The following FSTL4 variants were observed in gnomAD, a reference collection of about 807,000 sequenced individuals.
The protein encoded by FSTL4 is follistatin like 4.
FSTL4 carries 28 observed loss-of-function variants against 78.2 expected under a neutral mutation model. The ratio of observed to expected loss-of-function variants is 0.36; its 90% CI spans 0.27 to 0.49. The LOEUF (loss-of-function observed/expected upper bound fraction) is 0.49, where lower values mean the gene tolerates loss of function less well. Ranked by LOEUF, FSTL4 falls within the 20% of genes least tolerant of loss-of-function variation. FSTL4 has a pLI of 0.98. For synonymous variants in FSTL4, 422 were observed against 440.5 expected (o/e 0.96, Z 0.53); for missense variants, 922 against 1,084.9 (o/e 0.85, Z 2.11).
At chr5:133,395,401 C>G (rs547184945) in intron 4 of FSTL4, among the ~76,000 whole-genome samples, 8 of 152,144 alleles carry the variant, frequency 5.3e-5, no homozygotes, top group Non-Finnish European at 1.0e-4. Flanking sequence ...AGCGAGACCA[C>G]GAACCCACCA....
intron 2 of FSTL4, among the ~76,000 whole-genome samples, chr5:133,572,148 A>C (rs751718578): frequency 2.6e-5 from 4 of 152,220 alleles, no homozygotes; most frequent in Non-Finnish European, 5.9e-5. Flanking sequence ...TAAAACAGCC[A>C]AAGGGTGGGT....
chr5:133,365,309 T>A (rs1755160269), intron 4 of FSTL4, among the ~76,000 whole-genome samples: 1 of 152,180 alleles, frequency 6.6e-6, no homozygotes, highest in Non-Finnish European at 1.5e-5. Flanking sequence ...GATCAACTTT[T>A]AGGGATTTTA....
At chr5:133,589,750 A>G (rs1024826208) in intron 2 of FSTL4, among the ~76,000 whole-genome samples, 3 of 152,120 alleles carry the variant, frequency 2.0e-5, no homozygotes, top group African/African-American at 7.2e-5. Context: ...GCTCAATGTC[A>G]TCAAATGTCC....
the FSTL4 span, among the ~76,000 whole-genome samples, chr5:133,677,631 A>C: frequency 6.6e-6 from 1 of 152,238 alleles, no homozygotes; most frequent in Non-Finnish European, 1.5e-5. Context: ...TAGAAAGAAA[A>C]TACGACATGA....
At chr5:133,703,716 G>A in the FSTL4 span, among the ~76,000 whole-genome samples, 9 of 152,206 alleles carry the variant, frequency 5.9e-5, no homozygotes, top group African/African-American at 1.9e-4. Flanking sequence ...ATAATGAGAC[G>A]AGGCTCTGCA....
the FSTL4 span, among the ~76,000 whole-genome samples, chr5:133,781,816 A>G: frequency 6.6e-6 from 1 of 152,308 alleles, no homozygotes; most frequent in Non-Finnish European, 1.5e-5. Context: ...GTTATTCAGT[A>G]CCTTCTAATT....
chr5:133,754,645 A>T, the FSTL4 span, among the ~76,000 whole-genome samples: 1 of 152,172 alleles, frequency 6.6e-6, no homozygotes, highest in Non-Finnish European at 1.5e-5. Flanking sequence ...CACCTCAGAA[A>T]ACCCACTATG....
In FSTL4 at chr5:133,475,137, C is replaced by T. The variant is rs1401282323; in HGVS notation, c.161-74151G>A. Among the ~76,000 whole-genome samples, 4 of 152,202 alleles carry T rather than the reference C, an allele frequency of 2.6e-5. No homozygotes were observed. In the East Asian group the frequency reaches 5.8e-4, roughly 22 times the overall value. ...ATGGGAAGCAGGGGAGCTGGACGTC[C>T]GTCACATGTCTCAGTTAGGAACTAA... On this transcript the variant is annotated intron_variant, in intron 3 of 15. Transcript: ENST00000265342.
At chr5:133,649,855 T>C in the FSTL4 span, among the ~76,000 whole-genome samples, 5 of 152,286 alleles carry the variant, frequency 3.3e-5, no homozygotes, top group East Asian at 9.6e-4. Flanking sequence ...AAAAGTTTCA[T>C]TTCAATGAAG....
chr5:133,711,460 G>T, the FSTL4 span, among the ~76,000 whole-genome samples: 1 of 152,240 alleles, frequency 6.6e-6, no homozygotes, highest in Non-Finnish European at 1.5e-5. Context: ...GGGATGGAGG[G>T]TGTGAGGGGC....
intron 4 of FSTL4, among the ~76,000 whole-genome samples, chr5:133,374,542 C>A (rs182251857): frequency 6.6e-6 from 1 of 152,098 alleles, no homozygotes; most frequent in African/African-American, 2.4e-5. Context: ...GTTAAACAAG[C>A]AAACCAAAAA....
the FSTL4 span, among the ~76,000 whole-genome samples, chr5:133,798,418 G>C: frequency 6.6e-6 from 1 of 151,502 alleles, no homozygotes; most frequent in South Asian, 2.1e-4. Context: ...AAAAATGCCA[G>C]ATTTTATCAT....
At chr5:133,330,886 G>A (rs1250345589) in intron 4 of FSTL4, among the ~76,000 whole-genome samples, 1 of 152,198 alleles carries the variant, frequency 6.6e-6, no homozygotes, top group Non-Finnish European at 1.5e-5. Context: ...AACAGTGTGG[G>A]AGTATGCCTG....
At chr5:133,339,709 A>G (rs183469731) in intron 4 of FSTL4, among the ~76,000 whole-genome samples, 1 of 152,298 alleles carries the variant, frequency 6.6e-6, no homozygotes, top group Non-Finnish European at 1.5e-5. Flanking sequence ...CCCTTGGTAA[A>G]CTGAACAAGA....
At chr5:133,264,378 C>T (rs1209404325) in intron 6 of FSTL4, among the ~76,000 whole-genome samples, 1 of 152,168 alleles carries the variant, frequency 6.6e-6, no homozygotes, top group African/African-American at 2.4e-5. Context: ...TCCTAACTCA[C>T]CCGTGTCTTG....
chr5:133,706,005 C>T, the FSTL4 span, among the ~76,000 whole-genome samples: 1 of 152,194 alleles, frequency 6.6e-6, no homozygotes, highest in Non-Finnish European at 1.5e-5. Context: ...AACTATGCTA[C>T]AATACATGGG....
At chr5:133,768,928 T>C in the FSTL4 span, among the ~76,000 whole-genome samples, 7 of 152,248 alleles carry the variant, frequency 4.6e-5, no homozygotes, top group Non-Finnish European at 1.0e-4. Context: ...TATTCAAGCC[T>C]CTTCAGGTCT....
chr5:133,274,290 A>G (rs1752829359), intron 6 of FSTL4, among the ~76,000 whole-genome samples: 1 of 151,922 alleles, frequency 6.6e-6, no homozygotes, highest in Non-Finnish European at 1.5e-5. Flanking sequence ...GGACAAATAG[A>G]GAGACCTTGC....
intron 3 of FSTL4, among the ~76,000 whole-genome samples, chr5:133,508,064 T>A (rs1758648740): frequency 6.6e-6 from 1 of 152,140 alleles, no homozygotes; most frequent in Non-Finnish European, 1.5e-5. Context: ...TTCTTTTAGC[T>A]ACACTGGTCC....
Sources: gnomAD v4.1 joint callset for allele counts (sites outside exome capture counted in the v4.1 genomes callset) on GRCh38, gnomAD v4.1.1 for gene constraint, MANE v1.5 for transcripts, NCBI Gene and HGNC (gene_info 2026-07-23, HGNC 2026-07-21) for gene names.